LHX4: variants seen among roughly 807,000 people sequenced by gnomAD.
The protein encoded by LHX4 is LIM/homeobox protein Lhx4.
In LHX4, 16 loss-of-function variants were observed where a neutral mutation model predicts 39.2. The observed-to-expected ratio is 0.41, with a 90% CI of 0.28 to 0.62. The LOEUF is 0.62. Among genes scored for constraint, LHX4 ranks in the 20% least tolerant of loss-of-function variants. The probability of loss-of-function intolerance (pLI) is 0.33; values close to 1 mark genes in which losing one functional copy is unlikely to be tolerated. For synonymous variants in LHX4, 206 were observed against 198.1 expected (o/e 1.04, Z -0.33); for missense variants, 439 against 511.9 (o/e 0.86, Z 1.37).
At position 180,266,079 on chromosome 1, in the gene LHX4, C is replaced by A. The variant is rs910615883; in HGVS notation, c.249-313C>A. Among the ~76,000 whole-genome samples, 3 of 152,144 alleles carry A rather than the reference C, an allele frequency of 2.0e-5. No homozygotes were observed. The highest frequency in any genetic ancestry group is 1.3e-4 in the Admixed American group (2 of 15,280). ...GCCTGCTTTGAGGGACTTAGAAAGT[C>A]CACCTGCTCCCCCTGTGAATTGATG... On this transcript the variant is annotated intron_variant, in intron 2 of 5. Coordinates refer to ENST00000263726, the MANE Select transcript of LHX4 (RefSeq NM_033343.4). The surrounding 1 kb of genome is among the most constrained non-coding windows in gnomAD (Gnocchi z 5.7).
In LHX4 at chr1:180,266,495, A is replaced by G; in HGVS notation, c.352A>G (p.Ile118Val). The G allele has an allele frequency of 1.9e-6, 3 of 1,614,204 alleles. No homozygotes were observed. Among genetic ancestry groups the G allele is most frequent in the Non-Finnish European group, 2.5e-6 (3 of 1,180,024 alleles). ...FVYHLHCFAC[I>V]ICNRQLATGD... ...CTACCACCTGCACTGCTTTGCTTGC[A>G]TCATCTGCAACCGGCAGCTGGCCAC... The change falls in exon 3 of 6, where the codon ATC (isoleucine) becomes GTC (valine). Residue 118 changes from isoleucine (I) to valine (V), a missense_variant. By Grantham distance (29) the Ile-to-Val change is conservative (BLOSUM62 3). Coordinates refer to ENST00000263726, the MANE Select transcript of LHX4 (RefSeq NM_033343.4). The surrounding 1 kb of genome is among the most constrained non-coding windows in gnomAD (Gnocchi z 5.7).
intron 5 of LHX4, chr1:180,273,512 C>G (rs1275012013): frequency 1.3e-5 from 2 of 152,644 alleles, no homozygotes; most frequent in African/African-American, 4.8e-5. Context: ...CTGCTCACCT[C>G]TGTTGGAGAG....
chr1:180,267,487 CTT>C (rs1648370901), intron 3 of LHX4, among the ~76,000 whole-genome samples: 1 of 152,240 alleles, frequency 6.6e-6, no homozygotes, highest in Admixed American at 6.5e-5. Context: ...AAGGTGGACA[CTT>C]TTATTCCTGC....
rs1647973472 is a variant in LHX4, at chr1:180,258,633, C to T, written c.249-7759C>T. On this transcript the variant is annotated intron_variant, in intron 2 of 5. Transcript: ENST00000263726. ...CGGTGTGGGTGTGAGAAGTGGTCCC[C>T]AACATGATATAATTTTGAGTAGAAG... 2.0e-5 allele frequency among the ~76,000 whole-genome samples: 3 copies of T among 152,030 alleles called. No individual in the cohort carries two copies. The South Asian group carries it at 6.2e-4, about 31-fold the overall frequency.
intron 2 of LHX4, among the ~76,000 whole-genome samples, chr1:180,258,770 C>A (rs1280124526): frequency 1.3e-5 from 2 of 152,028 alleles, no homozygotes; most frequent in South Asian, 4.1e-4. Context: ...CACCACTGCA[C>A]TCCAGTCTGG....
chr1:180,255,368 A>G (rs1408680016), intron 2 of LHX4, among the ~76,000 whole-genome samples: 3 of 152,164 alleles, frequency 2.0e-5, no homozygotes, highest in Non-Finnish European at 4.4e-5. Flanking sequence ...ATACACGCAC[A>G]CACACATGCA....
chr1:180,271,578 G>A lies in LHX4; in HGVS notation c.606+44G>A, dbSNP rs763636316. ...TGTGCCCTCCGGGGATCCCAGGCCC[G>A]GGACAGGGGTGGAAGGTATCCTGAG... On this transcript the variant is annotated intron_variant, in intron 4 of 5. Coordinates refer to ENST00000263726, the MANE Select transcript of LHX4 (RefSeq NM_033343.4). 38 of 1,610,184 alleles carry A rather than the reference G, an allele frequency of 2.4e-5. No individual in the cohort carries two copies. In the East Asian group the frequency reaches 4.7e-4, roughly 20 times the overall value.
At chr1:180,264,693 A>G (rs1433027264) in intron 2 of LHX4, among the ~76,000 whole-genome samples, 1 of 152,150 alleles carries the variant, frequency 6.6e-6, no homozygotes, top group Non-Finnish European at 1.5e-5. Flanking sequence ...TCCCCTCCTG[A>G]GGCACAATTT....
At chr1:180,255,746 G>T in intron 2 of LHX4, among the ~76,000 whole-genome samples, 1 of 152,236 alleles carries the variant, frequency 6.6e-6, no homozygotes, top group East Asian at 1.9e-4. Flanking sequence ...GCCCCAGAGC[G>T]TGCAGTTCAG....
chr1:180,271,706 G>T, intron 4 of LHX4, 129 bp from the exon 5 acceptor site: 9 of 1,268,078 alleles, frequency 7.1e-6, no homozygotes, highest in Non-Finnish European at 1.0e-5. Flanking sequence ...GGGGTGGGGC[G>T]CATCGCACTC....
intron 2 of LHX4, 67 bp downstream of exon 2, chr1:180,248,523 A>T: frequency 1.3e-6 from 2 of 1,565,578 alleles, no homozygotes; most frequent in Non-Finnish European, 1.8e-6. Flanking sequence ...GTGAGGGGGA[A>T]GTTTGCAGCA....
chr1:180,271,001 G>A, intron 3 of LHX4: 1 of 326,618 alleles, frequency 3.1e-6, no homozygotes, highest in South Asian at 2.6e-5. Context: ...CTTCAACCTG[G>A]CTGTTCACCT....
At chr1:180,249,473 G>A (rs973797720) in intron 2 of LHX4, among the ~76,000 whole-genome samples, 9 of 152,208 alleles carry the variant, frequency 5.9e-5, no homozygotes, top group East Asian at 1.9e-4. Flanking sequence ...GATCAGTGAC[G>A]CTGAGCCCTG....
rs1169858472 is a variant in LHX4, at chr1:180,278,603, T to A, written c.*4024T>A. The A allele has an allele frequency of 6.6e-6, 1 of 150,738 alleles. No homozygotes were observed. Among genetic ancestry groups the A allele is most frequent in the Non-Finnish European group, 1.5e-5 (1 of 67,630 alleles). 9.3% of individuals were successfully genotyped at this position (150,738 alleles called of 1,614,324 possible). ...CAGAGGAAGGACACCCCCACTCTCA[T>A]CTATTGCCCACCGAGAGGCAAGAAT... On this transcript the variant is annotated 3_prime_UTR_variant, in exon 6 of 6. Transcript: ENST00000263726.
At chr1:180,252,268 A>G (rs1647659809) in intron 2 of LHX4, among the ~76,000 whole-genome samples, 1 of 152,146 alleles carries the variant, frequency 6.6e-6, no homozygotes, top group Non-Finnish European at 1.5e-5. Context: ...AGGAGGGGGC[A>G]AGCAGTCCGT....
At chr1:180,244,582 C>G (rs1647314033) in intron 1 of LHX4, among the ~76,000 whole-genome samples, 1 of 152,186 alleles carries the variant, frequency 6.6e-6, no homozygotes, top group African/African-American at 2.4e-5. Flanking sequence ...ATATCCTGCT[C>G]AAAATAAATT....
intron 1 of LHX4, among the ~76,000 whole-genome samples, chr1:180,235,379 T>G (rs114187574): frequency 0.016 from 2,412 of 152,252 alleles, 69 homozygotes; most frequent in African/African-American, 0.055. Context: ...CAGGCGCGAG[T>G]GCGGACGGCG....
In LHX4 at chr1:180,266,364, C is replaced by T; in HGVS notation, c.249-28C>T. ...AGCCAGATCCCTTGCTCCCTGTGTGCCCTAATCCTTTCCTGCTGCCCTGAC... is the reference window on the plus strand; with the variant it reads ...AGCCAGATCCCTTGCTCCCTGTGTGTCCTAATCCTTTCCTGCTGCCCTGAC... On this transcript the variant is annotated intron_variant, in intron 2 of 5. Coordinates refer to ENST00000263726, the MANE Select transcript of LHX4 (RefSeq NM_033343.4). This position sits in a 1 kb window ranked among gnomAD's most constrained non-coding sequence, Gnocchi z 5.7. 3 of 1,612,160 alleles carry T rather than the reference C, an allele frequency of 1.9e-6. No homozygotes were observed. Among genetic ancestry groups the T allele is most frequent in the Non-Finnish European group, 1.7e-6 (2 of 1,178,648 alleles).
intron 1 of LHX4, among the ~76,000 whole-genome samples, chr1:180,245,899 AC>A (rs1647364087): frequency 6.6e-6 from 1 of 151,820 alleles, no homozygotes; most frequent in Non-Finnish European, 1.5e-5. Context: ...CTGGGTGGAA[AC>A]CCCTGTGGCC....
Sources: gnomAD v4.1 joint callset for allele counts (sites outside exome capture counted in the v4.1 genomes callset) on GRCh38, gnomAD v4.1.1 for gene constraint, Gnocchi (gnomAD v3.1) non-coding constraint, MANE v1.5 for transcripts, NCBI Gene and HGNC (gene_info 2026-07-23, HGNC 2026-07-21) for gene names.